Variants in FOXP4 observed in about 807,000 individuals in gnomAD.
FOXP4 encodes the protein forkhead box protein P4.
Under a neutral mutation model 82.6 loss-of-function variants are expected in FOXP4, and 25 were observed. That is an observed-to-expected ratio of 0.30 (90% CI 0.22 to 0.42). The LOEUF (loss-of-function observed/expected upper bound fraction) is 0.42. Among genes scored for constraint, FOXP4 ranks in the 10% least tolerant of loss-of-function variants. The probability of loss-of-function intolerance (pLI) is 1.00; values close to 1 mark genes in which losing one functional copy is unlikely to be tolerated. For synonymous variants in FOXP4, 415 were observed against 388.2 expected, an observed-to-expected ratio of 1.07 and a Z score of -0.81; for missense variants, 785 against 900.9, an observed-to-expected ratio of 0.87 and a Z score of 1.65.
In FOXP4 at chr6:41,584,794, C is replaced by T. The variant is rs764800851; in HGVS notation, c.326C>T (p.Ser109Leu). 1.9e-6 allele frequency: 3 copies of T among 1,597,512 alleles called. No homozygotes were observed. The highest frequency in any genetic ancestry group is 1.7e-4 in the Middle Eastern group (1 of 6,036). Residue 109 changes from serine to leucine, a missense_variant, in exon 4 of 17, where the codon TCG (serine) becomes TTG (leucine). Coordinates refer to ENST00000307972, the MANE Select transcript of FOXP4 (RefSeq NM_001012426.2). ...VQVPVSVAMM[S>L]PQMLTPQQMQ... ...GTGCCTGTGTCGGTGGCCATGATGT[C>T]GCCGCAGATGCTTACCCCGCAACAG...
At chr6:41,562,726 G>A (rs1439713815) in intron 1 of FOXP4, among the ~76,000 whole-genome samples, 1 of 152,210 alleles carries the variant, frequency 6.6e-6, no homozygotes, top group Non-Finnish European at 1.5e-5. Context: ...GGAGTTCTCA[G>A]ATCTCAGAGA....
At chr6:41,562,194 C>T (rs1764621817) in intron 1 of FOXP4, among the ~76,000 whole-genome samples, 1 of 152,116 alleles carries the variant, frequency 6.6e-6, no homozygotes, top group Non-Finnish European at 1.5e-5. Flanking sequence ...GAAAGCACTT[C>T]GGAGTGCCTG....
At position 41,579,467 on chromosome 6, in the gene FOXP4, G is replaced by A. The variant is rs184250187; in HGVS notation, c.300+1386G>A. ...TGGACCCAGCTTAGAACAGGAAGGA[G>A]TAGGCTGGACAACAGCAAACGTTCC... On this transcript the variant is annotated intron_variant, in intron 3 of 16. Coordinates refer to ENST00000307972, the MANE Select transcript of FOXP4 (RefSeq NM_001012426.2). 7.2e-5 allele frequency among the ~76,000 whole-genome samples: 11 copies of A among 152,292 alleles called. No individual in the cohort carries two copies. The East Asian group carries it at 2.1e-3, about 29-fold the overall frequency.
At chr6:41,592,502 C>T (rs529065596) in intron 13 of FOXP4, among the ~76,000 whole-genome samples, 33 of 152,320 alleles carry the variant, frequency 2.2e-4, no homozygotes, top group Admixed American at 1.5e-3. Flanking sequence ...ACCACCTGGT[C>T]CAGTCTCCAA....
chr6:41,577,001 G>A (rs1452658626), intron 2 of FOXP4, among the ~76,000 whole-genome samples: 1 of 152,068 alleles, frequency 6.6e-6, no homozygotes, highest in East Asian at 1.9e-4. Flanking sequence ...GGACATAGAG[G>A]GCTTGACTGG....
At chr6:41,549,727 A>T (rs958238181) in intron 1 of FOXP4, among the ~76,000 whole-genome samples, 1 of 100,290 alleles carries the variant, frequency 1.0e-5, no homozygotes. Flanking sequence ...CAGATATCAC[A>T]TGGTGGGGGG....
intron 2 of FOXP4, among the ~76,000 whole-genome samples, chr6:41,577,305 A>G (rs1581747979): frequency 6.6e-6 from 1 of 152,086 alleles, no homozygotes; most frequent in African/African-American, 2.4e-5. Context: ...CAATCCTTGA[A>G]CTCAGAAAGT....
intron 2 of FOXP4, among the ~76,000 whole-genome samples, chr6:41,566,929 C>T (rs1280438623): frequency 6.6e-6 from 1 of 152,218 alleles, no homozygotes; most frequent in African/African-American, 2.4e-5. Context: ...TCATGTGCTC[C>T]TCCATGGCCC....
chr6:41,553,869 TC>T (rs1764135279), intron 1 of FOXP4, among the ~76,000 whole-genome samples: 1 of 152,292 alleles, frequency 6.6e-6, no homozygotes, highest in Non-Finnish European at 1.5e-5. Flanking sequence ...CCTCCAAGCC[TC>T]CCAACAGTCA....
chr6:41,598,470 G>A (rs748958308), intron 16 of FOXP4, among the ~76,000 whole-genome samples: 25 of 151,996 alleles, frequency 1.6e-4, no homozygotes, highest in Non-Finnish European at 2.1e-4. Context: ...CACTGGCCTC[G>A]CCCTCCCAAA....
intron 13 of FOXP4, among the ~76,000 whole-genome samples, chr6:41,592,194 A>G (rs1384083063): frequency 6.6e-6 from 1 of 152,102 alleles, no homozygotes; most frequent in Non-Finnish European, 1.5e-5. Context: ...CTGCAGTTAA[A>G]CGGGCTACCT....
Position 41,597,079 on chromosome 6 carries a change from C to T in FOXP4, c.1659-97C>T, listed in dbSNP as rs41273790. 9,008 of 1,305,470 alleles carry T rather than the reference C, an allele frequency of 6.9e-3. 58 individuals are homozygous for T. The highest frequency in any genetic ancestry group is 8.8e-3 in the Non-Finnish European group (7,971 of 904,120). 80.9% of individuals were successfully genotyped at this position (1,305,470 alleles called of 1,614,324 possible). A position where few individuals can be genotyped will look rare whatever the true frequency, so the allele number is the denominator to read the frequency against. On this transcript the variant is annotated intron_variant, in intron 14 of 16. Transcript: ENST00000307972. ...GCCTCCCGGAATAGGGAATGGGACC[C>T]ATTCCCAGCACAGGCCGTTACTTAG...
intron 1 of FOXP4, among the ~76,000 whole-genome samples, chr6:41,555,115 A>G (rs1764202428): frequency 6.6e-6 from 1 of 152,044 alleles, no homozygotes; most frequent in Non-Finnish European, 1.5e-5. Flanking sequence ...GTGTGGTGGC[A>G]TGTGACTGTA....
At position 41,591,170 on chromosome 6, in the gene FOXP4, G is replaced by T; in HGVS notation, c.1435-51G>T. The T allele has an allele frequency of 1.3e-6, 2 of 1,494,954 alleles. No homozygotes were observed. The highest frequency in any genetic ancestry group is 2.4e-5 in the South Asian group (2 of 83,718). 92.6% of individuals were successfully genotyped at this position (1,494,954 alleles called of 1,614,324 possible). A position where few individuals can be genotyped will look rare whatever the true frequency, so the allele number is the denominator to read the frequency against. ...ACTGGGGGAGGGAACCCAGGGCTGT[G>T]ACCCTTCGAGGCCCAGGCTGACGGT... On this transcript the variant is annotated intron_variant, in intron 12 of 16. Transcript: ENST00000307972. The surrounding 1 kb of genome is among the most constrained non-coding windows in gnomAD (Gnocchi z 4.2).
At chr6:41,578,184 A>G in intron 3 of FOXP4, 103 bp downstream of exon 3, 2 of 982,074 alleles carry the variant, frequency 2.0e-6, no homozygotes, top group South Asian at 1.6e-5. Context: ...GCCAGTTCCA[A>G]CACCAAAAAG....
At chr6:41,547,304 C>T (rs1051038136) in intron 1 of FOXP4, among the ~76,000 whole-genome samples, 2 of 152,142 alleles carry the variant, frequency 1.3e-5, no homozygotes, top group African/African-American at 4.8e-5. Context: ...GCGACCCCCT[C>T]CCCGCCCCGA....
At chr6:41,575,701 C>T (rs2127370564) in intron 2 of FOXP4, among the ~76,000 whole-genome samples, 1 of 150,800 alleles carries the variant, frequency 6.6e-6, no homozygotes, top group South Asian at 2.1e-4. Context: ...CCTGGCCACC[C>T]CCCACCCCAC....
At chr6:41,575,439 G>T (rs1007759113) in intron 2 of FOXP4, among the ~76,000 whole-genome samples, 1 of 152,056 alleles carries the variant, frequency 6.6e-6, no homozygotes, top group African/African-American at 2.4e-5. Flanking sequence ...GTATGAGAAG[G>T]AATGGTGGGA....
At chr6:41,578,599 GTCTC>G (rs1011632092) in intron 3 of FOXP4, among the ~76,000 whole-genome samples, 1 of 150,490 alleles carries the variant, frequency 6.6e-6, no homozygotes, top group Non-Finnish European at 1.5e-5. Flanking sequence ...GTCTCTTGAT[GTCTC>G]TCTGTCTCTT....
Sources: gnomAD v4.1 joint callset for allele counts (sites outside exome capture counted in the v4.1 genomes callset) on GRCh38, gnomAD v4.1.1 for gene constraint, Gnocchi (gnomAD v3.1) non-coding constraint, MANE v1.5 for transcripts, NCBI Gene and HGNC (gene_info 2026-07-23, HGNC 2026-07-21) for gene names.